The following PPP4R3B variants were observed in gnomAD, a reference collection of about 807,000 sequenced individuals.
PPP4R3B encodes protein phosphatase 4 regulatory subunit 3B, also known as serine/threonine-protein phosphatase 4 regulatory subunit 3B.
A neutral mutation model predicts 95.4 loss-of-function variants in PPP4R3B; 52 were observed. The ratio of observed to expected loss-of-function variants is 0.54; its 90% CI spans 0.44 to 0.69. The LOEUF (loss-of-function observed/expected upper bound fraction) is 0.69, where lower values mean the gene tolerates loss of function less well. PPP4R3B is among the 30% of genes least tolerant of loss of function. The pLI is 0.00. For synonymous variants in PPP4R3B, 407 were observed against 343.9 expected (o/e 1.18, Z -2.03); for missense variants, 1,003 against 1,005.9 (o/e 1.00, Z 0.04).
At chr2:55,586,796 A>G in intron 5 of PPP4R3B, 62 bp from the exon 6 acceptor site, 1 of 943,490 alleles carries the variant, frequency 1.1e-6, no homozygotes, top group Admixed American at 2.1e-5. Flanking sequence ...CACTATAGTA[A>G]TCATCTACCA....
intron 3 of PPP4R3B, among the ~76,000 whole-genome samples, chr2:55,602,389 G>A (rs1179666191): frequency 6.6e-6 from 1 of 152,196 alleles, no homozygotes; most frequent in Non-Finnish European, 1.5e-5. Context: ...CCCTTATCTA[G>A]CCCCAGAGAG....
intron 12 of PPP4R3B, among the ~76,000 whole-genome samples, chr2:55,570,719 C>T (rs1687888943): frequency 6.6e-6 from 1 of 152,176 alleles, no homozygotes; most frequent in Non-Finnish European, 1.5e-5. Context: ...GTGCCTGTCA[C>T]AAGAGGTTCT....
chr2:55,606,524 T>A (rs936541647), intron 2 of PPP4R3B, among the ~76,000 whole-genome samples: 1 of 149,216 alleles, frequency 6.7e-6, no homozygotes, highest in African/African-American at 2.5e-5. Flanking sequence ...TATATTTAAT[T>A]AAAAAAAAAA....
intron 11 of PPP4R3B, among the ~76,000 whole-genome samples, chr2:55,575,614 T>C (rs1458830113): frequency 6.6e-6 from 1 of 152,016 alleles, no homozygotes; most frequent in African/African-American, 2.4e-5. Flanking sequence ...CCCAGTATAT[T>C]TTTTGTAGAG....
At position 55,615,521 on chromosome 2, in the gene PPP4R3B, A is replaced by T. The variant is rs779333652; in HGVS notation, c.143-15T>A. The T allele has an allele frequency of 6.6e-7, 1 of 1,513,414 alleles. No homozygotes were observed. The highest frequency in any genetic ancestry group is 1.2e-5 in the South Asian group (1 of 84,848). 93.7% of individuals were successfully genotyped at this position (1,513,414 alleles called of 1,614,324 possible). A position where few individuals can be genotyped will look rare whatever the true frequency, so the allele number is the denominator to read the frequency against. ...GAGTAGTGATCCTGAAAGATAAAAA[A>T]TAATACATCATAAGTCTCAAATGAT... On this transcript the variant is annotated splice_polypyrimidine_tract_variant and intron_variant, in intron 1 of 16. Transcript: ENST00000616407.
rs1279278022 is a variant in PPP4R3B, at chr2:55,579,703, T to C, written c.1444A>G (p.Thr482Ala). 1 of 1,601,134 alleles carries C rather than the reference T, an allele frequency of 6.2e-7. No individual in the cohort carries two copies. Among genetic ancestry groups the C allele is most frequent in the Non-Finnish European group, 8.5e-7 (1 of 1,174,102 alleles). The change falls in exon 9 of 17, where the codon ACT becomes GCT. Residue 482 changes from threonine (T) to alanine (A), a missense_variant. By Grantham distance (58) the Thr-to-Ala change is moderately conservative. Transcript: ENST00000616407. ...HVLTAPLLTN[T>A]SEDKCEKDFF... Reference sequence around the variant, plus strand: ...CCCTTTTCACATTTGTCTTCTGAAGTATTGGTCAAAAGTGGTGCTGTGAGA... The same window carrying C: ...CCCTTTTCACATTTGTCTTCTGAAGCATTGGTCAAAAGTGGTGCTGTGAGA...
At chr2:55,579,224 A>C (rs1252953495) in intron 9 of PPP4R3B, among the ~76,000 whole-genome samples, 1 of 152,188 alleles carries the variant, frequency 6.6e-6, no homozygotes, top group Middle Eastern at 3.4e-3. Flanking sequence ...ACTAAGGAAA[A>C]AGCCTTGCCC....
At chr2:55,611,646 A>G (rs1229196513) in intron 2 of PPP4R3B, among the ~76,000 whole-genome samples, 1 of 152,246 alleles carries the variant, frequency 6.6e-6, no homozygotes, top group Admixed American at 6.5e-5. Flanking sequence ...GAAAAGATGT[A>G]TCTTGAGCAC....
intron 2 of PPP4R3B, among the ~76,000 whole-genome samples, chr2:55,612,102 T>C (rs550299101): frequency 6.6e-6 from 1 of 152,208 alleles, no homozygotes; most frequent in African/African-American, 2.4e-5. Context: ...AAGTTTTTAA[T>C]AAAAAACCCG....
In PPP4R3B at chr2:55,577,353, T is replaced by G. The variant is rs1688822824; in HGVS notation, c.1568A>C (p.Asn523Thr). The change falls in exon 11 of 17, where the codon AAT (asparagine) becomes ACT (threonine). Residue 523 changes from asparagine (N) to threonine (T), a missense_variant. By Grantham distance (65) the Asn-to-Thr change is moderately conservative. Transcript: ENST00000616407. Reference protein sequence around the residue: ...STPSSSISQDNIVGSNKNNTI... With the variant: ...STPSSSISQDTIVGSNKNNTI... The stretch of plus-strand genomic sequence containing the variant: ...GTTGTTTTTGTTTGATCCAACTATA[T>G]TATCTAATAAAAAAATTAAAAATTA... 6.6e-7 allele frequency: 1 copy of G among 1,514,616 alleles called. No individual in the cohort carries two copies. Among genetic ancestry groups the G allele is most frequent in the African/African-American group, 1.4e-5 (1 of 70,516 alleles). 93.8% of individuals were successfully genotyped at this position (1,514,616 alleles called of 1,614,324 possible). A position where few individuals can be genotyped will look rare whatever the true frequency, so the allele number is the denominator to read the frequency against.
chr2:55,589,435 T>C (rs1028292268), intron 4 of PPP4R3B, among the ~76,000 whole-genome samples: 2 of 152,168 alleles, frequency 1.3e-5, no homozygotes, highest in African/African-American at 2.4e-5. Context: ...TAAAATACAA[T>C]AACTCATAAA....
At chr2:55,575,701 G>A (rs535356342) in intron 11 of PPP4R3B, among the ~76,000 whole-genome samples, 79 of 152,270 alleles carry the variant, frequency 5.2e-4, no homozygotes, top group African/African-American at 1.8e-3. Context: ...GCCTCCCAAA[G>A]TGCTGAGATT....
At chr2:55,550,036 A>G in intron 16 of PPP4R3B, 30 bp from the exon 17 acceptor site, 1 of 1,474,094 alleles carries the variant, frequency 6.8e-7, no homozygotes. Context: ...TTTTTTCTTT[A>G]AACATATATA....
intron 12 of PPP4R3B, among the ~76,000 whole-genome samples, chr2:55,569,087 A>C (rs1310369421): frequency 6.6e-6 from 1 of 152,174 alleles, no homozygotes; most frequent in South Asian, 2.1e-4. Context: ...ATATTATAAT[A>C]ATCCTCGCTC....
chr2:55,602,829 A>G (rs1692821387), intron 3 of PPP4R3B, among the ~76,000 whole-genome samples: 2 of 152,308 alleles, frequency 1.3e-5, no homozygotes, highest in South Asian at 4.1e-4. Flanking sequence ...TGTGAGTATA[A>G]CAGCTTTGCT....
intron 2 of PPP4R3B, among the ~76,000 whole-genome samples, chr2:55,604,696 T>A (rs1384679499): frequency 1.2e-4 from 18 of 152,112 alleles, no homozygotes. Context: ...TCCTAGAATG[T>A]CTTCAATTAT....
At chr2:55,577,439 A>T in intron 10 of PPP4R3B, 83 bp from the exon 11 acceptor site, 3 of 1,222,622 alleles carry the variant, frequency 2.5e-6, no homozygotes, top group Non-Finnish European at 3.1e-6. Flanking sequence ...TATACAATGC[A>T]TGTCTTCAAT....
At chr2:55,589,658 G>A (rs990055529) in intron 4 of PPP4R3B, among the ~76,000 whole-genome samples, 2 of 152,036 alleles carry the variant, frequency 1.3e-5, no homozygotes, top group African/African-American at 2.4e-5. Context: ...GCTCACGCCC[G>A]TAATCCCAGC....
intron 9 of PPP4R3B, among the ~76,000 whole-genome samples, chr2:55,579,094 C>A (rs1281636315): frequency 1.3e-5 from 2 of 152,034 alleles, no homozygotes; most frequent in African/African-American, 4.8e-5. Context: ...CACTCAGACT[C>A]CTTCAAAAAA....
Sources: gnomAD v4.1 joint callset for allele counts (sites outside exome capture counted in the v4.1 genomes callset) on GRCh38, gnomAD v4.1.1 for gene constraint, MANE v1.5 for transcripts, NCBI Gene and HGNC (gene_info 2026-07-23, HGNC 2026-07-21) for gene names.